The following AKAP6 variants were observed in gnomAD, a reference collection of about 807,000 sequenced individuals.
The protein encoded by AKAP6 is A-kinase anchor protein 6.
AKAP6 carries 58 observed loss-of-function variants against 188.5 expected under a neutral mutation model. That is an observed-to-expected ratio of 0.31 (90% confidence interval 0.25 to 0.38). The LOEUF is 0.38. AKAP6 is among the 10% of genes least tolerant of loss of function. The pLI is 1.00. For missense variants in AKAP6, 2,710 were observed against 2,740.0 expected, an observed-to-expected ratio of 0.99 and a Z score of 0.24; for synonymous variants, 989 against 998.6, an observed-to-expected ratio of 0.99 and a Z score of 0.18.
intron 7 of AKAP6, among the ~76,000 whole-genome samples, chr14:32,606,853 A>G (rs1886145573): frequency 6.6e-6 from 1 of 152,182 alleles, no homozygotes; most frequent in Admixed American, 6.5e-5. Context: ...TATTCCTGAT[A>G]TATGTTTGCT....
At position 32,439,678 on chromosome 14, in the gene AKAP6, A is replaced by C. The variant is rs536452742; in HGVS notation, c.324+5861A>C. On this transcript the variant is annotated intron_variant, in intron 2 of 13. Transcript: ENST00000280979. ...AGGGTCCATAGTCGTGACAGTGAGC[A>C]ACAGCCAGGGTTGATTCATGGGCAT... 2.5e-3 allele frequency among the ~76,000 whole-genome samples: 374 copies of C among 152,310 alleles called. 5 individuals carry two copies. The highest frequency in any genetic ancestry group is 0.014 in the Middle Eastern group (4 of 294).
intron 12 of AKAP6, among the ~76,000 whole-genome samples, chr14:32,788,051 A>G (rs1011241694): frequency 6.6e-6 from 1 of 151,820 alleles, no homozygotes; most frequent in Admixed American, 6.6e-5. Context: ...AAAAAAAAAA[A>G]AAAAAAAAAA....
chr14:32,697,042 C>T (rs181681699), intron 9 of AKAP6, among the ~76,000 whole-genome samples: 1 of 152,162 alleles, frequency 6.6e-6, no homozygotes, highest in East Asian at 1.9e-4. Context: ...AGTATAATGA[C>T]AAGAAACAAC....
intron 9 of AKAP6, among the ~76,000 whole-genome samples, chr14:32,728,200 A>ATTTTTT (rs3033287): frequency 4.2e-5 from 3 of 71,066 alleles, no homozygotes; most frequent in Admixed American, 2.0e-4. Flanking sequence ...ACATCCCTGG[A>ATTTTTT]TTTTTTTTTT....
rs2034854355 is a variant in AKAP6, at chr14:32,834,531, GTCT to G, written c.*4728_*4730del. The G allele has an allele frequency of 1.1e-5, 1 of 90,504 alleles. No homozygotes were observed. Among genetic ancestry groups the G allele is most frequent in the South Asian group, 3.8e-4 (1 of 2,638 alleles). 5.6% of individuals were successfully genotyped at this position (90,504 alleles called of 1,614,324 possible). On this transcript the variant is annotated 3_prime_UTR_variant, in exon 14 of 14. Coordinates refer to ENST00000280979, the MANE Select transcript of AKAP6 (RefSeq NM_004274.5). ...ATCACACACTGCTTTTAGTTTCCAA[GTCT>G]TTTTTTTTTTTTTTTTTTTTAAATC...
chr14:32,521,779 T>C (rs1265850452), intron 2 of AKAP6, among the ~76,000 whole-genome samples: 1 of 152,142 alleles, frequency 6.6e-6, no homozygotes, highest in Non-Finnish European at 1.5e-5. Context: ...AATTTATAGA[T>C]TCAATGCCAT....
intron 12 of AKAP6, among the ~76,000 whole-genome samples, chr14:32,776,627 T>C (rs938234440): frequency 6.6e-6 from 1 of 152,236 alleles, no homozygotes; most frequent in African/African-American, 2.4e-5. Flanking sequence ...TGAGTACATG[T>C]GTTCATTTAA....
intron 9 of AKAP6, chr14:32,726,315 G>A: frequency 3.1e-6 from 2 of 641,002 alleles, no homozygotes; most frequent in Non-Finnish European, 3.9e-6. Flanking sequence ...CCAAATGAAG[G>A]GTTCTGTAAA....
At chr14:32,800,175 CAT>C (rs71115098) in intron 12 of AKAP6, among the ~76,000 whole-genome samples, 32 of 142,590 alleles carry the variant, frequency 2.2e-4, no homozygotes, top group African/African-American at 4.0e-4. Flanking sequence ...CATATATATA[CAT>C]ATATATATAC....
chr14:32,783,121 A>G (rs1471728087), intron 12 of AKAP6, among the ~76,000 whole-genome samples: 3 of 152,178 alleles, frequency 2.0e-5, no homozygotes, highest in Non-Finnish European at 4.4e-5. Context: ...ATGGTCAATT[A>G]ATTTTTAATA....
At chr14:32,800,061 C>CTATATATATATA (rs1555363776) in intron 12 of AKAP6, among the ~76,000 whole-genome samples, 192 of 136,934 alleles carry the variant, frequency 1.4e-3, no homozygotes, top group Non-Finnish European at 2.1e-3. Flanking sequence ...CTCTCTCTCT[C>CTATATATATATA]TATATATATA....
intron 12 of AKAP6, among the ~76,000 whole-genome samples, chr14:32,804,192 G>C (rs2034028846): frequency 6.6e-6 from 1 of 152,116 alleles, no homozygotes; most frequent in Non-Finnish European, 1.5e-5. Flanking sequence ...CTTACCTATA[G>C]CCTGTAATAT....
At chr14:32,416,533 A>C (rs1043162769) in intron 1 of AKAP6, among the ~76,000 whole-genome samples, 2 of 152,104 alleles carry the variant, frequency 1.3e-5, no homozygotes, top group Non-Finnish European at 2.9e-5. Context: ...TAAAACTTTC[A>C]TAAAGTCCAA....
chr14:32,774,482 T>C (rs1175504735), intron 12 of AKAP6, among the ~76,000 whole-genome samples: 4 of 152,216 alleles, frequency 2.6e-5, no homozygotes, highest in Non-Finnish European at 4.4e-5. Flanking sequence ...AGAGTTTTAA[T>C]GCAGTGCTCA....
At chr14:32,524,015 A>G (rs1281334916) in intron 2 of AKAP6, among the ~76,000 whole-genome samples, 1 of 152,170 alleles carries the variant, frequency 6.6e-6, no homozygotes, top group Non-Finnish European at 1.5e-5. Context: ...AAATTGTATG[A>G]AAAAGGAAAT....
intron 2 of AKAP6, among the ~76,000 whole-genome samples, chr14:32,472,789 C>T (rs1478351252): frequency 6.6e-6 from 1 of 152,136 alleles, no homozygotes; most frequent in Non-Finnish European, 1.5e-5. Flanking sequence ...CTGCCACCAT[C>T]ACCATCTCTT....
intron 9 of AKAP6, among the ~76,000 whole-genome samples, chr14:32,698,933 A>G (rs1387416428): frequency 6.6e-6 from 1 of 152,090 alleles, no homozygotes. Context: ...TATTCCTTCT[A>G]TTAGAGCATT....
intron 7 of AKAP6, among the ~76,000 whole-genome samples, chr14:32,669,884 G>A (rs1889107043): frequency 1.3e-5 from 2 of 152,064 alleles, no homozygotes; most frequent in South Asian, 4.1e-4. Flanking sequence ...ATCACTTGAG[G>A]TCAGGAGTTT....
intron 12 of AKAP6, among the ~76,000 whole-genome samples, chr14:32,810,581 A>T (rs1408554121): frequency 2.0e-5 from 3 of 152,264 alleles, no homozygotes; most frequent in African/African-American, 7.2e-5. Flanking sequence ...AATCTCTTGG[A>T]AACTTACTTC....
Sources: gnomAD v4.1 joint callset for allele counts (sites outside exome capture counted in the v4.1 genomes callset) on GRCh38, gnomAD v4.1.1 for gene constraint, MANE v1.5 for transcripts, NCBI Gene and HGNC (gene_info 2026-07-23, HGNC 2026-07-21) for gene names.